The following NSG1 variants were observed in gnomAD, a reference collection of about 807,000 sequenced individuals.
NSG1 encodes neuronal vesicle trafficking-associated protein 1.
NSG1 carries 9 observed loss-of-function variants against 19.3 expected under a neutral mutation model. The ratio of observed to expected loss-of-function variants is 0.47; its 90% CI spans 0.28 to 0.81. The LOEUF is 0.81. Among genes scored for constraint, NSG1 ranks in the 40% least tolerant of loss-of-function variants. NSG1 has a pLI of 0.11. For synonymous variants in NSG1, 104 were observed against 107.0 expected (o/e 0.97, Z 0.17); for missense variants, 236 against 242.4 (o/e 0.97, Z 0.18).
intron 3 of NSG1, among the ~76,000 whole-genome samples, chr4:4,395,532 C>CT (rs989268998): frequency 5.9e-5 from 9 of 152,102 alleles, no homozygotes; most frequent in African/African-American, 1.9e-4. Flanking sequence ...TGGTTGAGGG[C>CT]TGGGCGGGTC....
At chr4:4,391,015 C>A (rs577559777) in intron 2 of NSG1, among the ~76,000 whole-genome samples, 105 of 152,242 alleles carry the variant, frequency 6.9e-4, no homozygotes, top group African/African-American at 2.5e-3. Context: ...GCTTCTCCAG[C>A]CAGTCCTGGA....
chr4:4,411,743 A>AAAAACAAAACAAAACAAAAC (rs56166051), intron 4 of NSG1, among the ~76,000 whole-genome samples: 4 of 140,324 alleles, frequency 2.9e-5, no homozygotes, highest in Non-Finnish European at 6.1e-5. Flanking sequence ...GACTCCGTCT[A>AAAAACAAAACAAAACAAAAC]AAAACAAAAC....
intron 3 of NSG1, among the ~76,000 whole-genome samples, chr4:4,405,044 G>A (rs982250981): frequency 3.3e-5 from 5 of 152,146 alleles, no homozygotes; most frequent in Admixed American, 6.5e-5. Flanking sequence ...ACAAACTGGG[G>A]GGACTCAGAG....
intron 3 of NSG1, among the ~76,000 whole-genome samples, chr4:4,399,330 A>G (rs1723427464): frequency 6.6e-6 from 1 of 152,000 alleles, no homozygotes; most frequent in African/African-American, 2.4e-5. Flanking sequence ...TTTTGTAGAG[A>G]TGGGGTTTCA....
At chr4:4,406,676 C>G (rs1014951099) in intron 3 of NSG1, among the ~76,000 whole-genome samples, 5 of 152,186 alleles carry the variant, frequency 3.3e-5, no homozygotes, top group Admixed American at 1.3e-4. Context: ...CATGCTCCCC[C>G]CCAACCCAGG....
At chr4:4,403,791 G>T (rs1241469599) in intron 3 of NSG1, among the ~76,000 whole-genome samples, 2 of 152,170 alleles carry the variant, frequency 1.3e-5, no homozygotes, top group African/African-American at 4.8e-5. Context: ...TTAGGAGTAC[G>T]CAGACTTTAA....
chr4:4,397,448 G>A (rs1009520459), intron 3 of NSG1, among the ~76,000 whole-genome samples: 1 of 152,202 alleles, frequency 6.6e-6, no homozygotes, highest in Non-Finnish European at 1.5e-5. Context: ...ATCCCACTGT[G>A]CTCCGTCCTC....
chr4:4,413,964 ACGGGCAG>A (rs1206766872), intron 4 of NSG1, among the ~76,000 whole-genome samples: 1 of 152,052 alleles, frequency 6.6e-6, no homozygotes, highest in Non-Finnish European at 1.5e-5. Context: ...GAGAGGGAGC[ACGGGCAG>A]GCCCAGGAGC....
chr4:4,398,659 G>A (rs1009156481), intron 3 of NSG1, among the ~76,000 whole-genome samples: 5 of 152,148 alleles, frequency 3.3e-5, no homozygotes, highest in South Asian at 2.1e-4. Flanking sequence ...CCATTGTACC[G>A]ATAGACCACA....
chr4:4,416,123 C>T (rs565824978), intron 4 of NSG1: 11 of 702,378 alleles, frequency 1.6e-5, no homozygotes, highest in Middle Eastern at 2.3e-4. Context: ...CTCAGCAACA[C>T]GGTGGTGTGA....
In NSG1 at chr4:4,417,335, C is replaced by A; in HGVS notation, c.458C>A (p.Ala153Asp). 6.2e-7 allele frequency: 1 copy of A among 1,614,144 alleles called. No homozygotes were observed. Among genetic ancestry groups the A allele is most frequent in the South Asian group, 1.1e-5 (1 of 91,088 alleles). Reference protein sequence around the residue: ...FYTVINHYNLAKQSITRSVSP... With the variant: ...FYTVINHYNLDKQSITRSVSP... ...ACAGTCATAAACCACTACAACCTGG[C>A]CAAGCAGAGCATCACGCGCTCCGTA... The change falls in exon 5 of 5, where the codon GCC becomes GAC. Residue 153 changes from alanine to aspartate, a missense_variant. By Grantham distance (126) the Ala-to-Asp change is moderately radical. Transcript: ENST00000621129.
chr4:4,413,993 C>T (rs995293233), intron 4 of NSG1, among the ~76,000 whole-genome samples: 7 of 152,058 alleles, frequency 4.6e-5, no homozygotes, highest in East Asian at 1.9e-4. Context: ...GGCCCTGAGC[C>T]GGAGAGAGGA....
chr4:4,404,186 C>T (rs754180781), intron 3 of NSG1, among the ~76,000 whole-genome samples: 33 of 152,168 alleles, frequency 2.2e-4, no homozygotes, highest in Non-Finnish European at 4.3e-4. Context: ...TCCTGTTGGC[C>T]GACTTGGAGG....
chr4:4,387,946 G>C (rs1722820755), intron 2 of NSG1, among the ~76,000 whole-genome samples, 188 bp downstream of exon 2: 1 of 150,396 alleles, frequency 6.6e-6, no homozygotes, highest in African/African-American at 2.4e-5. Context: ...CTGGGCGGGG[G>C]AGGGGAGCCC....
intron 4 of NSG1, among the ~76,000 whole-genome samples, chr4:4,413,968 G>A (rs1724370804): frequency 6.6e-6 from 1 of 152,030 alleles, no homozygotes; most frequent in Non-Finnish European, 1.5e-5. Context: ...GGGAGCACGG[G>A]CAGGCCCAGG....
intron 3 of NSG1, among the ~76,000 whole-genome samples, chr4:4,393,526 C>T (rs1274582125): frequency 6.6e-6 from 1 of 152,208 alleles, no homozygotes; most frequent in Non-Finnish European, 1.5e-5. Flanking sequence ...AGCAGAAGCC[C>T]TGCCTCATCT....
At chr4:4,414,378 TG>T (rs2108755801) in intron 4 of NSG1, among the ~76,000 whole-genome samples, 1 of 152,034 alleles carries the variant, frequency 6.6e-6, no homozygotes, top group South Asian at 2.1e-4. Context: ...TAAGTTGTTC[TG>T]GAGTGATGTC....
At chr4:4,398,413 A>T (rs756931896) in intron 3 of NSG1, among the ~76,000 whole-genome samples, 2 of 152,084 alleles carry the variant, frequency 1.3e-5, no homozygotes, top group African/African-American at 2.4e-5. Context: ...CCCCAAAAGG[A>T]GACCCCATTC....
chr4:4,414,186 G>A (rs1465948639), intron 4 of NSG1, among the ~76,000 whole-genome samples: 2 of 152,052 alleles, frequency 1.3e-5, no homozygotes, highest in African/African-American at 4.8e-5. Context: ...TATCCTGCAA[G>A]CCCAAGTCCC....
Sources: gnomAD v4.1 joint callset for allele counts (sites outside exome capture counted in the v4.1 genomes callset) on GRCh38, gnomAD v4.1.1 for gene constraint, MANE v1.5 for transcripts, NCBI Gene and HGNC (gene_info 2026-07-23, HGNC 2026-07-21) for gene names.